TNS3: variants seen among roughly 807,000 people sequenced by gnomAD.
The protein encoded by TNS3 is tensin-3.
TNS3 carries 45 observed loss-of-function variants against 140.9 expected under a neutral mutation model. That is an observed-to-expected ratio of 0.32 (90% confidence interval 0.25 to 0.41). The LOEUF (loss-of-function observed/expected upper bound fraction) is 0.41, where lower values mean the gene tolerates loss of function less well. TNS3 is among the 10% of genes least tolerant of loss of function. The pLI, the probability that TNS3 is intolerant of heterozygous loss-of-function variation, is 1.00. For synonymous variants in TNS3, 815 were observed against 788.4 expected (o/e 1.03, Z -0.56); for missense variants, 1,716 against 1,906.7 (o/e 0.90, Z 1.86).
chr7:47,433,397 T>A (rs1795018751), intron 8 of TNS3, among the ~76,000 whole-genome samples: 1 of 152,120 alleles, frequency 6.6e-6, no homozygotes, highest in Non-Finnish European at 1.5e-5. Flanking sequence ...CATTAGCAAA[T>A]CACTTCTGAG....
intron 1 of TNS3, among the ~76,000 whole-genome samples, chr7:47,573,891 A>G (rs1374831325): frequency 6.6e-6 from 1 of 152,210 alleles, no homozygotes; most frequent in East Asian, 1.9e-4. Flanking sequence ...GACATTCCTG[A>G]TTTGGAATTG....
At chr7:47,549,747 C>G (rs1268369439) in intron 1 of TNS3, among the ~76,000 whole-genome samples, 1 of 152,174 alleles carries the variant, frequency 6.6e-6, no homozygotes, top group African/African-American at 2.4e-5. Flanking sequence ...AGGGCATAAA[C>G]TCTAGTCCAT....
chr7:47,379,515 T>C (rs1791618555), intron 16 of TNS3, among the ~76,000 whole-genome samples: 1 of 152,228 alleles, frequency 6.6e-6, no homozygotes, highest in Non-Finnish European at 1.5e-5. Flanking sequence ...AACACTGCTT[T>C]TAATCTACTA....
At chr7:47,497,398 C>G (rs2151849270) in intron 3 of TNS3, among the ~76,000 whole-genome samples, 2 of 152,288 alleles carry the variant, frequency 1.3e-5, no homozygotes, top group Admixed American at 1.3e-4. Context: ...CTGTTGAATT[C>G]AGTTCTCCGC....
chr7:47,334,657 T>C (rs1225356755), intron 20 of TNS3, among the ~76,000 whole-genome samples: 2 of 142,832 alleles, frequency 1.4e-5, no homozygotes, highest in Admixed American at 7.4e-5. Context: ...CAGGCTGCAG[T>C]ACAGTGGTGC....
At chr7:47,324,684 G>A (rs555965163) in intron 20 of TNS3, among the ~76,000 whole-genome samples, 6 of 152,270 alleles carry the variant, frequency 3.9e-5, no homozygotes, top group South Asian at 4.1e-4. Context: ...CCTGGGAGGC[G>A]AAGGTTGCAG....
intron 20 of TNS3, among the ~76,000 whole-genome samples, chr7:47,340,571 A>ATTTTCTTTT (rs1788943555): frequency 2.4e-5 from 2 of 82,128 alleles, no homozygotes; most frequent in African/African-American, 7.7e-5. Flanking sequence ...GTTCCCTGGG[A>ATTTTCTTTT]TTTTCTTTTT....
chr7:47,394,871 C>T (rs764081491), intron 16 of TNS3, among the ~76,000 whole-genome samples: 12 of 152,228 alleles, frequency 7.9e-5, no homozygotes, highest in Admixed American at 2.0e-4. Context: ...AAGCCTGCCC[C>T]GCAGGCAGGT....
rs1282325450 is a variant in TNS3 at position 47,439,613 on chromosome 7, G to A, written c.24C>T (p.Asp8=). 9 of 1,613,986 alleles carry A rather than the reference G, an allele frequency of 5.6e-6. No individual in the cohort carries two copies. Among genetic ancestry groups the A allele is most frequent in the Non-Finnish European group, 6.8e-6 (8 of 1,180,008 alleles). MEEGHGL[D]LTYITERIIA... ...TGATGCGCTCCGTGATGTAAGTGAG[G>A]TCCAGCCCATGGCCCTCCTCCATGG... is the stretch of plus-strand genomic sequence containing the variant. Residue 8 remains aspartate (D), a synonymous_variant, in exon 6 of 31, where the codon GAC becomes GAT. Coordinates refer to ENST00000311160, the MANE Select transcript of TNS3 (RefSeq NM_022748.12).
At chr7:47,362,475 T>G (rs1790389326) in intron 17 of TNS3, among the ~76,000 whole-genome samples, 1 of 152,164 alleles carries the variant, frequency 6.6e-6, no homozygotes, top group African/African-American at 2.4e-5. Flanking sequence ...ACCCCTGTAT[T>G]TGCAAACATA....
At chr7:47,505,477 G>A (rs186058085) in intron 3 of TNS3, among the ~76,000 whole-genome samples, 295 of 152,334 alleles carry the variant, frequency 1.9e-3, no homozygotes, top group African/African-American at 6.8e-3. Flanking sequence ...GAGGAGAAGC[G>A]CTCCACACAG....
chr7:47,314,694 G>A (rs1312864061), intron 20 of TNS3, among the ~76,000 whole-genome samples: 1 of 152,198 alleles, frequency 6.6e-6, no homozygotes, highest in South Asian at 2.1e-4. Context: ...GCTCCTTGTT[G>A]TGGGGCGATC....
At chr7:47,474,912 AC>A (rs1353970581) in intron 4 of TNS3, among the ~76,000 whole-genome samples, 3 of 151,430 alleles carry the variant, frequency 2.0e-5, no homozygotes, top group African/African-American at 7.3e-5. Context: ...ACAAAAAAAA[AC>A]ACCTCACACA....
At chr7:47,497,662 A>AAC (rs6150097) in intron 3 of TNS3, among the ~76,000 whole-genome samples, 1,411 of 91,210 alleles carry the variant, frequency 0.015, 18 homozygotes, top group African/African-American at 0.045. Flanking sequence ...TCACGTATGG[A>AAC]ACACACACAC....
intron 10 of TNS3, among the ~76,000 whole-genome samples, chr7:47,416,914 CG>C (rs1794110855): frequency 6.6e-6 from 1 of 152,206 alleles, no homozygotes; most frequent in Non-Finnish European, 1.5e-5. Context: ...CCTTCCAGCA[CG>C]GGGCAGCCCT....
At chr7:47,531,316 G>C (rs554527195) in intron 1 of TNS3, among the ~76,000 whole-genome samples, 1 of 152,146 alleles carries the variant, frequency 6.6e-6, no homozygotes, top group African/African-American at 2.4e-5. Context: ...TGTCAATCTA[G>C]AATCCTGTAC....
intron 3 of TNS3, among the ~76,000 whole-genome samples, chr7:47,490,932 T>A (rs1180265821): frequency 6.6e-6 from 1 of 152,134 alleles, no homozygotes; most frequent in Non-Finnish European, 1.5e-5. Context: ...CAGAATGCCA[T>A]CCTTCAGTGC....
At chr7:47,303,841 C>G (rs754060888) in intron 21 of TNS3, among the ~76,000 whole-genome samples, 2 of 152,208 alleles carry the variant, frequency 1.3e-5, no homozygotes, top group African/African-American at 2.4e-5. Flanking sequence ...CCCATGAAGG[C>G]CTCCACATGC....
intron 17 of TNS3, among the ~76,000 whole-genome samples, chr7:47,364,345 C>T (rs1016075470): frequency 1.6e-4 from 24 of 147,146 alleles, no homozygotes; most frequent in Admixed American, 1.4e-3. Flanking sequence ...GTGCAGTGCA[C>T]GGTCTCAGTT....
Sources: gnomAD v4.1 joint callset for allele counts (sites outside exome capture counted in the v4.1 genomes callset) on GRCh38, gnomAD v4.1.1 for gene constraint, MANE v1.5 for transcripts, NCBI Gene and HGNC (gene_info 2026-07-23, HGNC 2026-07-21) for gene names.